RIC1: variants seen among roughly 807,000 people sequenced by gnomAD.
RIC1 encodes the protein RIC1 partner of RAB6A GEF complex.
RIC1 carries 88 observed loss-of-function variants against 169.0 expected under a neutral mutation model. The ratio of observed to expected loss-of-function variants is 0.52; its 90% CI spans 0.44 to 0.62. The LOEUF (loss-of-function observed/expected upper bound fraction) is 0.62. RIC1 is among the 20% of genes least tolerant of loss of function. RIC1 has a pLI of 0.00. For missense variants in RIC1, 1,877 were observed against 1,725.5 expected (o/e 1.09, Z -1.56); for synonymous variants, 790 against 601.5 (o/e 1.31, Z -4.59).
chr9:5,765,646 T>C lies in RIC1; in HGVS notation c.3001-16T>C. The stretch of plus-strand genomic sequence containing the variant: ...CATCTTTCTCTAATGGTACTGCATA[T>C]GGTGTGTAATCCTAGGAACCCAGTT... On this transcript the variant is annotated splice_polypyrimidine_tract_variant and intron_variant, in intron 20 of 25. Coordinates refer to ENST00000414202, the MANE Select transcript of RIC1 (RefSeq NM_020829.4). 3.7e-6 allele frequency: 6 copies of C among 1,614,150 alleles called. No homozygotes were observed. Among genetic ancestry groups the C allele is most frequent in the Non-Finnish European group, 5.1e-6 (6 of 1,179,986 alleles).
chr9:5,631,561 C>T (rs988370406), intron 1 of RIC1, among the ~76,000 whole-genome samples: 1 of 151,972 alleles, frequency 6.6e-6, no homozygotes, highest in Non-Finnish European at 1.5e-5. Context: ...GTGGTGCACG[C>T]CTATAGCCCC....
chr9:5,633,052 G>C (rs141048302), intron 1 of RIC1, among the ~76,000 whole-genome samples: 93 of 152,292 alleles, frequency 6.1e-4, no homozygotes, highest in Middle Eastern at 3.4e-3. Flanking sequence ...TATAAATCTT[G>C]TGAGATATCA....
intron 2 of RIC1, among the ~76,000 whole-genome samples, chr9:5,679,221 A>AGTACT (rs1468488850): frequency 6.6e-6 from 1 of 151,448 alleles, no homozygotes; most frequent in East Asian, 1.9e-4. Context: ...TTTTGGTACC[A>AGTACT]GTACTGTTTT....
At chr9:5,705,591 A>G (rs549832065) in intron 3 of RIC1, among the ~76,000 whole-genome samples, 1 of 152,230 alleles carries the variant, frequency 6.6e-6, no homozygotes, top group South Asian at 2.1e-4. Context: ...GAATAAAGAG[A>G]GTCCCATTTT....
chr9:5,769,041 T>A lies in RIC1; in HGVS notation c.3209T>A (p.Leu1070His). ...DMMLWRHARR[L>H]LEDVRLKDLG... ...ATGCTCTGGAGACATGCTCGGCGCC[T>A]CTTAGAAGATGTGAGGTTAAAGGAC... The change falls in exon 22 of 26, where the codon CTC becomes CAC. Residue 1070 changes from leucine to histidine, a missense_variant. Physicochemically the swap from Leu to His is moderately conservative, Grantham distance 99 (BLOSUM62 -3). Around this residue, in one of 3 missense-constraint regions of RIC1, gnomAD observed 681 missense variants for 582.0 expected, o/e 1.17. Coordinates refer to ENST00000414202, the MANE Select transcript of RIC1 (RefSeq NM_020829.4). 1 of 1,614,074 alleles carries A rather than the reference T, an allele frequency of 6.2e-7. No homozygotes were observed. The highest frequency in any genetic ancestry group is 8.5e-7 in the Non-Finnish European group (1 of 1,179,974).
In RIC1 at chr9:5,774,989, A is replaced by T. The variant is rs1827500415; in HGVS notation, c.*743A>T. The T allele has an allele frequency of 6.6e-6, 1 of 152,212 alleles. No homozygotes were observed. The allele number at this position is 152,212 out of a possible 1,614,324, so 9.4% of individuals were successfully genotyped here. A position where few individuals can be genotyped will look rare whatever the true frequency, so the allele number is the denominator to read the frequency against. On this transcript the variant is annotated 3_prime_UTR_variant, in exon 26 of 26. Transcript: ENST00000414202. Reference sequence around the variant, plus strand: ...TTTGTGAATACTCTTGTGTAAATATATTCAAAGGCACTGTTCATATTTTAG... The same window carrying T: ...TTTGTGAATACTCTTGTGTAAATATTTTCAAAGGCACTGTTCATATTTTAG...
chr9:5,666,662 G>C (rs557545321), intron 2 of RIC1, among the ~76,000 whole-genome samples: 25 of 152,264 alleles, frequency 1.6e-4, no homozygotes, highest in African/African-American at 5.8e-4. Context: ...TCTTCATCCT[G>C]TTAATGTAGT....
chr9:5,634,090 A>G (rs1430213541), intron 1 of RIC1, among the ~76,000 whole-genome samples: 2 of 152,006 alleles, frequency 1.3e-5, no homozygotes, highest in Non-Finnish European at 2.9e-5. Flanking sequence ...ATAATATTTT[A>G]TGTGTGTATG....
chr9:5,674,763 C>G (rs76191473), intron 2 of RIC1, among the ~76,000 whole-genome samples: 3,367 of 152,300 alleles, frequency 0.022, 53 homozygotes, highest in South Asian at 0.04. Flanking sequence ...TCTCTCCCCT[C>G]CAGCCCACTT....
At chr9:5,674,824 G>T (rs1475791283) in intron 2 of RIC1, among the ~76,000 whole-genome samples, 1 of 152,192 alleles carries the variant, frequency 6.6e-6, no homozygotes, top group African/African-American at 2.4e-5. Context: ...GAAAGGCACA[G>T]ATCACAGACT....
chr9:5,734,416 T>C (rs1042992663), intron 7 of RIC1, among the ~76,000 whole-genome samples: 15 of 152,112 alleles, frequency 9.9e-5, no homozygotes, highest in African/African-American at 3.1e-4. Flanking sequence ...GTTTTAAAAA[T>C]AGATTTAAGA....
At chr9:5,765,187 G>A (rs1189029922) in intron 19 of RIC1, 1 of 457,404 alleles carries the variant, frequency 2.2e-6, no homozygotes, top group African/African-American at 2.0e-5. Flanking sequence ...TAAAGTATAT[G>A]TATGCTATCT....
intron 8 of RIC1, 117 bp from the exon 9 acceptor site, chr9:5,742,752 G>A (rs1461501246): frequency 1.1e-6 from 1 of 899,578 alleles, no homozygotes; most frequent in East Asian, 2.7e-5. Context: ...TTTGGAAGCA[G>A]TCATACCTTT....
chr9:5,720,912 T>G (rs1228742247), intron 6 of RIC1, among the ~76,000 whole-genome samples, 162 bp downstream of exon 6: 1 of 152,176 alleles, frequency 6.6e-6, no homozygotes, highest in Non-Finnish European at 1.5e-5. Flanking sequence ...AAAATTCTCT[T>G]GGACATGTTA....
intron 7 of RIC1, among the ~76,000 whole-genome samples, chr9:5,737,418 C>T (rs1000404265): frequency 6.6e-5 from 10 of 152,110 alleles, no homozygotes; most frequent in African/African-American, 2.4e-4. Flanking sequence ...GCTGATGAAG[C>T]CTCCTGTTTA....
rs367649439 is a variant in RIC1, at chr9:5,689,911, G to A, written c.253-48G>A. On this transcript the variant is annotated intron_variant, in intron 2 of 25. Transcript: ENST00000414202. ...TATAAAATTAAAATTCAGGGTTACA[G>A]TTATAGCCTTACTCTTTAATTCATG... 294 of 1,275,256 alleles carry A rather than the reference G, an allele frequency of 2.3e-4. 1 individual carries two copies. Among genetic ancestry groups the A allele is most frequent in the Admixed American group, 1.6e-3 (81 of 50,100 alleles). 79.0% of individuals were successfully genotyped at this position (1,275,256 alleles called of 1,614,324 possible).
At chr9:5,762,147 C>G (rs1826376994) in intron 17 of RIC1, among the ~76,000 whole-genome samples, 1 of 152,152 alleles carries the variant, frequency 6.6e-6, no homozygotes, top group South Asian at 2.1e-4. Flanking sequence ...ATTAGATTAC[C>G]AACCCTTACT....
chr9:5,709,109 C>T (rs1822775166), intron 3 of RIC1, among the ~76,000 whole-genome samples: 1 of 152,120 alleles, frequency 6.6e-6, no homozygotes, highest in Non-Finnish European at 1.5e-5. Context: ...AAAACATGTA[C>T]CAAGTGTTGG....
chr9:5,763,431 T>C lies in RIC1; in HGVS notation c.2404T>C (p.Tyr802His), dbSNP rs1826469057. The change falls in exon 19 of 26, where the codon TAT (tyrosine) becomes CAT (histidine). Residue 802 changes from tyrosine (Y) to histidine (H), a missense_variant. Transcript: ENST00000414202. The surrounding 1 kb of genome is among the most constrained non-coding windows in gnomAD (Gnocchi z 5.2). ...TGACACTTTGCTCTATGATTCTTTA[T>C]ATACTCGGAACAATGCTAGAGAACA... ...VNDTLLYDSL[Y>H]TRNNAREQLE... 8.1e-6 allele frequency: 13 copies of C among 1,614,228 alleles called. No homozygotes were observed. The highest frequency in any genetic ancestry group is 1.0e-5 in the Non-Finnish European group (12 of 1,180,038).
Sources: gnomAD v4.1 joint callset for allele counts (sites outside exome capture counted in the v4.1 genomes callset) on GRCh38, gnomAD v4.1.1 for gene constraint, gnomAD v4.1.1 regional missense constraint, Gnocchi (gnomAD v3.1) non-coding constraint, MANE v1.5 for transcripts, NCBI Gene and HGNC (gene_info 2026-07-23, HGNC 2026-07-21) for gene names.